Variants in KIF27 observed in about 807,000 individuals in gnomAD.
The protein encoded by KIF27 is kinesin family member 27.
A neutral mutation model predicts 141.8 loss-of-function variants in KIF27; 84 were observed. The ratio of observed to expected loss-of-function variants is 0.59; its 90% confidence interval spans 0.50 to 0.71. The LOEUF (loss-of-function observed/expected upper bound fraction) is 0.71, where lower values mean the gene tolerates loss of function less well. Among genes scored for constraint, KIF27 ranks in the 30% least tolerant of loss-of-function variants. The probability of loss-of-function intolerance (pLI) is 0.00; values close to 1 mark genes in which losing one functional copy is unlikely to be tolerated. For missense variants in KIF27, 1,306 were observed against 1,628.4 expected (o/e 0.80, Z 3.41); for synonymous variants, 471 against 569.5 (o/e 0.83, Z 2.46).
At position 83,837,357 on chromosome 9, in the gene KIF27, T is replaced by C. The variant is rs1294847517; in HGVS notation, c.3850A>G (p.Ser1284Gly). Residue 1284 changes from serine (S) to glycine (G), a missense_variant, in exon 18 of 18, where the codon AGC (serine) becomes GGC (glycine). Physicochemically the swap from Ser to Gly is moderately conservative, Grantham distance 56. Coordinates refer to ENST00000297814, the MANE Select transcript of KIF27 (RefSeq NM_017576.4). Reference protein sequence around the residue: ...GREREMDSSASSLRTQPNPQK... With the variant: ...GREREMDSSAGSLRTQPNPQK... Reference sequence around the variant, plus strand: ...GGATTTGGCTGTGTTCTTAAGCTGCTTGCTGAACTGTCCATTTCTCTTTCT... The same window carrying C: ...GGATTTGGCTGTGTTCTTAAGCTGCCTGCTGAACTGTCCATTTCTCTTTCT... 5.0e-6 allele frequency: 8 copies of C among 1,610,532 alleles called. No homozygotes were observed. Among genetic ancestry groups the C allele is most frequent in the Non-Finnish European group, 5.9e-6 (7 of 1,176,986 alleles).
intron 16 of KIF27, among the ~76,000 whole-genome samples, chr9:83,845,698 G>T (rs1947183697): frequency 6.6e-6 from 1 of 152,218 alleles, no homozygotes; most frequent in South Asian, 2.1e-4. Context: ...CAGTGCACCT[G>T]GTTGTGCACT....
At chr9:83,888,254 GAGTT>G (rs912774259) in intron 8 of KIF27, among the ~76,000 whole-genome samples, 4 of 151,020 alleles carry the variant, frequency 2.6e-5, no homozygotes, top group African/African-American at 9.8e-5. Flanking sequence ...TATTCTGAGG[GAGTT>G]AGCCTATATC....
At chr9:83,909,740 A>G (rs1564006651) in intron 2 of KIF27, among the ~76,000 whole-genome samples, 1 of 152,152 alleles carries the variant, frequency 6.6e-6, no homozygotes, top group Non-Finnish European at 1.5e-5. Flanking sequence ...TTTAATATAA[A>G]TGATAAAACT....
chr9:83,853,681 G>C lies in KIF27; in HGVS notation c.3305C>G (p.Ala1102Gly). 1 of 1,613,832 alleles carries C rather than the reference G, an allele frequency of 6.2e-7. No individual in the cohort carries two copies. Among genetic ancestry groups the C allele is most frequent in the Non-Finnish European group, 8.5e-7 (1 of 1,179,810 alleles). ...TCTAATCTCAACAGGACTCAGGCAA[G>C]CTAGCTTTTCCAAGACATTTGCTTC... ...RGEANVLEKL[A>G]CLSPVEIRTI... The change falls in exon 15 of 18, where the codon GCT becomes GGT. Residue 1102 changes from alanine to glycine, a missense_variant. Transcript: ENST00000297814.
At chr9:83,892,435 A>ATTTTAGTGGTTT (rs1952774391) in intron 5 of KIF27, among the ~76,000 whole-genome samples, 1 of 152,152 alleles carries the variant, frequency 6.6e-6, no homozygotes, top group Non-Finnish European at 1.5e-5. Context: ...CCACTAAAAA[A>ATTTTAGTGGTTT]AGAGTAAAAC....
intron 1 of KIF27, among the ~76,000 whole-genome samples, chr9:83,920,908 C>G (rs758276881): frequency 4.0e-5 from 6 of 151,088 alleles, no homozygotes; most frequent in East Asian, 1.9e-4. Flanking sequence ...GAAATGCGCC[C>G]AAGTTTCAAC....
intron 2 of KIF27, among the ~76,000 whole-genome samples, chr9:83,914,930 T>C (rs866265982): frequency 9.2e-5 from 14 of 152,228 alleles, no homozygotes; most frequent in Non-Finnish European, 1.5e-4. Flanking sequence ...CTACGGTCCC[T>C]AAGTCCTGAT....
At chr9:83,921,320 G>A (rs1277836484) in intron 1 of KIF27, 51 bp downstream of exon 1, 1 of 124,274 alleles carries the variant, frequency 8.0e-6, no homozygotes, top group Non-Finnish European at 1.7e-5. Flanking sequence ...CACCGCGAAG[G>A]GAGGGCGCCC....
intron 11 of KIF27, among the ~76,000 whole-genome samples, chr9:83,878,161 C>CAAAAAAAA (rs58897060): frequency 2.6e-5 from 1 of 38,476 alleles, no homozygotes; most frequent in Non-Finnish European, 5.1e-5. Context: ...GACTCTGTCT[C>CAAAAAAAA]AAAAAAAAAA....
chr9:83,886,432 C>CA (rs1475820650), intron 9 of KIF27, among the ~76,000 whole-genome samples: 1 of 152,120 alleles, frequency 6.6e-6, no homozygotes, highest in African/African-American at 2.4e-5. Flanking sequence ...CAAAAGTTGT[C>CA]AGTGAGTGCT....
chr9:83,889,587 A>C (rs1952470505), intron 6 of KIF27, among the ~76,000 whole-genome samples: 1 of 151,302 alleles, frequency 6.6e-6, no homozygotes, highest in African/African-American at 2.4e-5. Flanking sequence ...ACACCCCAAC[A>C]AATGTACCCT....
intron 2 of KIF27, 51 bp downstream of exon 2, chr9:83,915,243 T>C (rs750085036): frequency 1.3e-6 from 2 of 1,482,094 alleles, no homozygotes; most frequent in South Asian, 1.3e-5. Flanking sequence ...GGTCATATTT[T>C]TGCTTCTTTC....
intron 16 of KIF27, among the ~76,000 whole-genome samples, chr9:83,848,395 CTA>C (rs1353792561): frequency 7.5e-6 from 1 of 133,302 alleles, no homozygotes; most frequent in African/African-American, 2.8e-5. Context: ...ATCATATATG[CTA>C]TATATGCATA....
intron 15 of KIF27, among the ~76,000 whole-genome samples, chr9:83,853,080 C>T (rs765234609): frequency 1.3e-5 from 2 of 152,154 alleles, no homozygotes; most frequent in Non-Finnish European, 1.5e-5. Flanking sequence ...TGCTATGAAA[C>T]ATCTCTGGAT....
chr9:83,845,774 T>A (rs553881821), intron 16 of KIF27, among the ~76,000 whole-genome samples: 1 of 152,288 alleles, frequency 6.6e-6, no homozygotes, highest in East Asian at 1.9e-4. Context: ...AGCCAGTGGT[T>A]TGGCTGGATG....
At chr9:83,908,330 A>G in intron 3 of KIF27, 122 bp downstream of exon 3, 4 of 540,692 alleles carry the variant, frequency 7.4e-6, no homozygotes, top group Non-Finnish European at 1.3e-5. Flanking sequence ...AAGTAAAAAT[A>G]AATTCATTTT....
At chr9:83,884,534 T>A (rs957847068) in intron 9 of KIF27, among the ~76,000 whole-genome samples, 1 of 152,204 alleles carries the variant, frequency 6.6e-6, no homozygotes, top group Non-Finnish European at 1.5e-5. Flanking sequence ...TGCCTATTGT[T>A]TTACTTTGCT....
chr9:83,852,282 TA>T (rs35725807), intron 15 of KIF27, among the ~76,000 whole-genome samples: 48,995 of 147,486 alleles, frequency 0.33, 8,923 homozygotes, highest in African/African-American at 0.51. Context: ...CCGTCTCTAC[TA>T]AAAAAAAAAT....
At chr9:83,837,729 CT>C (rs1162571571) in intron 17 of KIF27, 2 of 304,552 alleles carry the variant, frequency 6.6e-6, no homozygotes, top group Non-Finnish European at 1.2e-5. Flanking sequence ...GAGAAATAGT[CT>C]TTTGGGGGTT....
Sources: allele counts gnomAD v4.1 joint callset (sites outside exome capture counted in the v4.1 genomes callset), GRCh38; gene constraint gnomAD v4.1.1; transcripts MANE v1.5; gene names NCBI Gene and HGNC (gene_info 2026-07-23, HGNC 2026-07-21).